TRIM67: variants seen among roughly 807,000 people sequenced by gnomAD.
TRIM67 encodes tripartite motif containing 67.
TRIM67 carries 39 observed loss-of-function variants against 71.0 expected under a neutral mutation model. The ratio of observed to expected loss-of-function variants is 0.55; its 90% CI spans 0.43 to 0.72. The LOEUF is 0.72. Ranked by LOEUF, TRIM67 falls within the 30% of genes least tolerant of loss-of-function variation. The pLI is 0.00. For synonymous variants in TRIM67, 481 were observed against 473.9 expected (o/e 1.01, Z -0.19); for missense variants, 973 against 1,079.2 (o/e 0.90, Z 1.38).
In TRIM67 at chr1:231,162,674, G is replaced by A; in HGVS notation, c.-296G>A. On this transcript the variant is annotated 5_prime_UTR_variant, in exon 1 of 10. Transcript: ENST00000366653. ...ATTCATCACCTAAAGCTCCTCGCAG[G>A]CCACCGCGAGGGCAGCCGACCGGCT... is the stretch of plus-strand genomic sequence containing the variant. 2.5e-6 allele frequency: 1 copy of A among 405,942 alleles called. No homozygotes were observed. The highest frequency in any genetic ancestry group is 5.1e-5 in the East Asian group (1 of 19,688). The allele number at this position is 405,942 out of a possible 1,614,324, so 25.1% of individuals were successfully genotyped here. A position where few individuals can be genotyped will look rare whatever the true frequency, so the allele number is the denominator to read the frequency against.
In TRIM67 at chr1:231,163,910, A is replaced by G. The variant is rs950042044; in HGVS notation, c.941A>G (p.Tyr314Cys). The change falls in exon 1 of 10, where the codon TAC (tyrosine) becomes TGC (cysteine). Residue 314 changes from tyrosine (Y) to cysteine (C), a missense_variant. This residue lies in a region of TRIM67 where 795 missense variants were observed against 831.3 expected (regional missense o/e 0.96). Transcript: ENST00000366653. ...PEHEMENYSM[Y>C]CVSCRTPVCY... ...CATGAAATGGAGAACTACAGCATGT[A>G]CTGCGTGAGCTGTCGAACCCCGGTG... 1 of 1,587,206 alleles carries G rather than the reference A, an allele frequency of 6.3e-7. No homozygotes were observed. The highest frequency in any genetic ancestry group is 8.6e-7 in the Non-Finnish European group (1 of 1,167,346).
At position 231,216,465 on chromosome 1, in the gene TRIM67, G is replaced by C. The variant is rs1247332966; in HGVS notation, c.*1025G>C. 16 of 985,356 alleles carry C rather than the reference G, an allele frequency of 1.6e-5. No individual in the cohort carries two copies. Among genetic ancestry groups the C allele is most frequent in the Non-Finnish European group, 1.8e-5 (15 of 829,964 alleles). The allele number at this position is 985,356 out of a possible 1,614,324, so 61.0% of individuals were successfully genotyped here. ...AGTTAACTGAAAATGCATCCAGATT[G>C]CTCTTCTGAGCTGAACCACTCTCAG... On this transcript the variant is annotated 3_prime_UTR_variant, in exon 10 of 10. Coordinates refer to ENST00000366653, the MANE Select transcript of TRIM67 (RefSeq NM_001004342.5).
At chr1:231,181,283 A>T (rs1461811600) in intron 1 of TRIM67, among the ~76,000 whole-genome samples, 1 of 152,176 alleles carries the variant, frequency 6.6e-6, no homozygotes, top group African/African-American at 2.4e-5. Context: ...CTTAAGAGCA[A>T]GGGTGTGTTT....
At chr1:231,170,907 C>G (rs1436154707) in intron 1 of TRIM67, among the ~76,000 whole-genome samples, 1 of 152,176 alleles carries the variant, frequency 6.6e-6, no homozygotes, top group Non-Finnish European at 1.5e-5. Context: ...TGGTCGCAAT[C>G]TAAGTGTGGG....
At chr1:231,201,597 AG>A in intron 5 of TRIM67, 80 bp downstream of exon 5, 1 of 1,499,406 alleles carries the variant, frequency 6.7e-7, no homozygotes, top group Non-Finnish European at 9.0e-7. Flanking sequence ...TCGGTGCCAT[AG>A]GGAGACCTGT....
chr1:231,188,325 C>T (rs1410116697), intron 1 of TRIM67, among the ~76,000 whole-genome samples: 1 of 152,152 alleles, frequency 6.6e-6, no homozygotes, highest in Non-Finnish European at 1.5e-5. Context: ...GCTGTGGAGG[C>T]TTCCTACACA....
At chr1:231,169,993 C>CCTTTTTTTTTTTTTTTTT (rs1682582039) in intron 1 of TRIM67, among the ~76,000 whole-genome samples, 1 of 136,136 alleles carries the variant, frequency 7.3e-6, no homozygotes, top group African/African-American at 3.2e-5. Flanking sequence ...TTCTTTCTCT[C>CCTTTTTTTTTTTTTTTTT]TTTTTTTTTT....
chr1:231,211,932 C>G (rs550177392), intron 8 of TRIM67, among the ~76,000 whole-genome samples: 1 of 152,184 alleles, frequency 6.6e-6, no homozygotes, highest in Admixed American at 6.5e-5. Context: ...AAAAATTAGC[C>G]GGGCATGGTG....
At chr1:231,191,511 C>T in intron 1 of TRIM67, among the ~76,000 whole-genome samples, 1 of 152,124 alleles carries the variant, frequency 6.6e-6, no homozygotes. Flanking sequence ...TGGCAGGTTG[C>T]TCAGTAAAGG....
At chr1:231,211,351 C>G (rs1223524141) in intron 8 of TRIM67, among the ~76,000 whole-genome samples, 1 of 152,096 alleles carries the variant, frequency 6.6e-6, no homozygotes, top group Admixed American at 6.5e-5. Context: ...TCTGCATGTC[C>G]TCCCACCCTC....
intron 1 of TRIM67, among the ~76,000 whole-genome samples, chr1:231,176,012 G>A (rs1397485166): frequency 6.6e-6 from 1 of 152,162 alleles, no homozygotes; most frequent in Non-Finnish European, 1.5e-5. Flanking sequence ...GTCATGGGAG[G>A]GTGGAATGTG....
chr1:231,214,804 A>ATAGGCT (rs1289784061), intron 9 of TRIM67, among the ~76,000 whole-genome samples: 1 of 146,948 alleles, frequency 6.8e-6, no homozygotes, highest in African/African-American at 2.5e-5. Context: ...AAAAAAAAAG[A>ATAGGCT]TAGGCTTAGG....
intron 1 of TRIM67, among the ~76,000 whole-genome samples, chr1:231,171,387 T>A (rs1682613783): frequency 6.6e-6 from 1 of 152,216 alleles, no homozygotes; most frequent in Admixed American, 6.5e-5. Context: ...GCTGCTTTCC[T>A]GGGATTTAAA....
intron 7 of TRIM67, among the ~76,000 whole-genome samples, chr1:231,208,592 G>A (rs1294923805): frequency 2.0e-5 from 3 of 152,258 alleles, no homozygotes; most frequent in Admixed American, 6.5e-5. Context: ...GATTACAGGC[G>A]TGGACCACTG....
At chr1:231,175,680 T>C (rs1558292241) in intron 1 of TRIM67, among the ~76,000 whole-genome samples, 1 of 152,242 alleles carries the variant, frequency 6.6e-6, no homozygotes, top group Non-Finnish European at 1.5e-5. Flanking sequence ...ACCGTCTCTA[T>C]CTTCCAAGGC....
Position 231,166,312 on chromosome 1 carries a change from AG to A in TRIM67, c.1044+2302del, listed in dbSNP as rs561595173. On this transcript the variant is annotated intron_variant, in intron 1 of 9. Transcript: ENST00000366653. The stretch of plus-strand genomic sequence containing the variant: ...GCAGGTGCTGTTGATTTCTACAGAA[AG>A]GGAAACTACTGAGTGCTTATTATGA... Among the ~76,000 whole-genome samples, 837 of 152,336 alleles carry A rather than the reference AG, an allele frequency of 5.5e-3. 10 individuals are homozygous for A. The highest frequency in any genetic ancestry group is 0.019 in the African/African-American group (797 of 41,560).
chr1:231,163,145 C>A lies in TRIM67; in HGVS notation c.176C>A (p.Ala59Glu), dbSNP rs1288327341. The stretch of plus-strand genomic sequence containing the variant: ...CTTTCCCGGGGATCGGGGCTGCAGG[C>A]GGGCGCCGCCGCCGCTGCCTCTCTG... Reference protein sequence around the residue: ...LLLSRGSGLQAGAAAAASLEH... With the variant: ...LLLSRGSGLQEGAAAAASLEH... Residue 59 changes from alanine to glutamate, a missense_variant, in exon 1 of 10, where the codon GCG (alanine) becomes GAG (glutamate). Physicochemically the swap from Ala to Glu is moderately radical, Grantham distance 107. Around this residue, in one of 2 missense-constraint regions of TRIM67, gnomAD observed 795 missense variants for 831.3 expected, o/e 0.96. Coordinates refer to ENST00000366653, the MANE Select transcript of TRIM67 (RefSeq NM_001004342.5). 2.0e-6 allele frequency: 3 copies of A among 1,513,180 alleles called. No homozygotes were observed. The African/African-American group carries it at 4.3e-5, about 21-fold the overall frequency. The allele number at this position is 1,513,180 out of a possible 1,614,324, so 93.7% of individuals were successfully genotyped here.
At chr1:231,167,340 T>TTTTTTTTTTTTTTTTTTTTTTTTTTTG (rs1682499645) in intron 1 of TRIM67, among the ~76,000 whole-genome samples, 1 of 75,340 alleles carries the variant, frequency 1.3e-5, no homozygotes, top group African/African-American at 8.9e-5. Context: ...TTTTTTTTTT[T>TTTTTTTTTTTTTTTTTTTTTTTTTTTG]GAGACGGAGT....
chr1:231,188,379 G>A (rs545110849), intron 1 of TRIM67, among the ~76,000 whole-genome samples: 2 of 152,280 alleles, frequency 1.3e-5, no homozygotes, highest in African/African-American at 4.8e-5. Context: ...TGGAGCTTGG[G>A]TCTGATGAAA....
Sources: allele counts gnomAD v4.1 joint callset (sites outside exome capture counted in the v4.1 genomes callset), GRCh38; gene constraint gnomAD v4.1.1; regional missense constraint gnomAD v4.1.1; transcripts MANE v1.5; gene names NCBI Gene and HGNC (gene_info 2026-07-23, HGNC 2026-07-21).